Variants in CEP112 observed in about 807,000 individuals in gnomAD.
CEP112 encodes the protein centrosomal protein 112.
Under a neutral mutation model 153.0 loss-of-function variants are expected in CEP112, and 127 were observed. The observed-to-expected ratio is 0.83, with a 90% CI of 0.72 to 0.96. The LOEUF is 0.96. CEP112 is among the 40% of genes least tolerant of loss of function. CEP112 has a pLI of 0.00. For synonymous variants in CEP112, 358 were observed against 374.4 expected (o/e 0.96, Z 0.51); for missense variants, 1,089 against 1,101.2 (o/e 0.99, Z 0.16).
chr17:65,722,459 G>C (rs1598400375), intron 23 of CEP112, among the ~76,000 whole-genome samples: 1 of 152,134 alleles, frequency 6.6e-6, no homozygotes, highest in African/African-American at 2.4e-5. Flanking sequence ...ATGTTGGCCA[G>C]GTTGGTCTCG....
intron 4 of CEP112, among the ~76,000 whole-genome samples, chr17:66,173,369 C>T (rs1276544430): frequency 6.6e-6 from 1 of 152,128 alleles, no homozygotes; most frequent in Non-Finnish European, 1.5e-5. Context: ...ATATGAAATT[C>T]CCCAAATGTT....
In CEP112 at chr17:65,902,342, G is replaced by C. The variant is rs745751336; in HGVS notation, c.1981-8C>G. ...CAGCTTCAGCTCTACTATCTGATTGGACAATGAGGAGGACAGTTCATCAAC... is the reference window on the plus strand; with the variant it reads ...CAGCTTCAGCTCTACTATCTGATTGCACAATGAGGAGGACAGTTCATCAAC... On this transcript the variant is annotated splice_polypyrimidine_tract_variant and splice_region_variant and intron_variant, in intron 19 of 26. Transcript: ENST00000535342. The C allele has an allele frequency of 1.9e-6, 3 of 1,609,592 alleles. No individual in the cohort carries two copies. Among genetic ancestry groups the C allele is most frequent in the Non-Finnish European group, 2.5e-6 (3 of 1,177,948 alleles).
At chr17:66,037,883 T>C (rs767901288) in intron 12 of CEP112, among the ~76,000 whole-genome samples, 79 of 151,974 alleles carry the variant, frequency 5.2e-4, no homozygotes, top group Non-Finnish European at 2.6e-4. Flanking sequence ...AAGAATGTTA[T>C]GTATAATATA....
chr17:66,009,877 G>C (rs1457442626), intron 16 of CEP112, among the ~76,000 whole-genome samples: 2 of 152,140 alleles, frequency 1.3e-5, no homozygotes, highest in African/African-American at 4.8e-5. Context: ...TTATAATATA[G>C]TTTGAAGTCA....
At chr17:65,951,546 T>G (rs2061828350) in intron 18 of CEP112, among the ~76,000 whole-genome samples, 1 of 152,140 alleles carries the variant, frequency 6.6e-6, no homozygotes. Context: ...ATCCTTTCAT[T>G]TTCTAGAAAA....
chr17:66,125,396 A>G (rs1327404855), intron 6 of CEP112, among the ~76,000 whole-genome samples: 1 of 152,134 alleles, frequency 6.6e-6, no homozygotes, highest in Non-Finnish European at 1.5e-5. Flanking sequence ...GGTGTGCACC[A>G]CCAGCTACTC....
chr17:65,959,323 G>T (rs1340526767), intron 18 of CEP112, among the ~76,000 whole-genome samples: 1 of 152,212 alleles, frequency 6.6e-6, no homozygotes, highest in Non-Finnish European at 1.5e-5. Context: ...CCTGGCTGCA[G>T]AAAGGAGCTA....
intron 12 of CEP112, among the ~76,000 whole-genome samples, chr17:66,043,782 A>C (rs749721332): frequency 2.2e-4 from 34 of 152,198 alleles, no homozygotes; most frequent in Non-Finnish European, 4.0e-4. Context: ...CAAAATGCGT[A>C]AGTCTCATAA....
intron 23 of CEP112, among the ~76,000 whole-genome samples, chr17:65,716,521 G>A (rs2049526751): frequency 6.6e-6 from 1 of 152,152 alleles, no homozygotes. Flanking sequence ...GTAGAGCGGG[G>A]CAGGGGAGGG....
At chr17:66,130,118 T>C (rs2070066924) in intron 5 of CEP112, among the ~76,000 whole-genome samples, 1 of 152,022 alleles carries the variant, frequency 6.6e-6, no homozygotes, top group African/African-American at 2.4e-5. Flanking sequence ...TGTATTGCCC[T>C]CAGAGGAAAG....
chr17:66,050,831 T>C (rs1339486676), intron 12 of CEP112, among the ~76,000 whole-genome samples: 1 of 152,124 alleles, frequency 6.6e-6, no homozygotes. Flanking sequence ...GCTAGATCAA[T>C]TTCAACAAAT....
At chr17:66,153,468 CA>C (rs11303537) in intron 4 of CEP112, among the ~76,000 whole-genome samples, 75,099 of 123,592 alleles carry the variant, frequency 0.61, 21,216 homozygotes, top group East Asian at 0.89. Flanking sequence ...TAGAAAAGGC[CA>C]AAAAAAAAAA....
At chr17:65,941,646 T>C (rs895536970) in intron 18 of CEP112, 6 of 152,228 alleles carry the variant, frequency 3.9e-5, no homozygotes, top group African/African-American at 1.4e-4. Context: ...AACGTCTTTA[T>C]TGTGTAACTC....
chr17:65,817,653 CA>C (rs2056342231), intron 21 of CEP112, among the ~76,000 whole-genome samples: 1 of 151,866 alleles, frequency 6.6e-6, no homozygotes, highest in Admixed American at 6.6e-5. Flanking sequence ...CAGGGTACTT[CA>C]AAAATAAACC....
At chr17:65,957,597 T>C (rs1360155426) in intron 18 of CEP112, among the ~76,000 whole-genome samples, 1 of 152,150 alleles carries the variant, frequency 6.6e-6, no homozygotes, top group African/African-American at 2.4e-5. Flanking sequence ...TAGTTATTAG[T>C]TTTATAAATA....
chr17:65,929,653 T>C (rs1272646905), intron 18 of CEP112, among the ~76,000 whole-genome samples: 1 of 147,218 alleles, frequency 6.8e-6, no homozygotes, highest in African/African-American at 2.5e-5. Context: ...ATGTCTCTCC[T>C]GCAGTGTAAT....
chr17:65,661,757 G>C (rs2046396353), intron 24 of CEP112: 1 of 152,144 alleles, frequency 6.6e-6, no homozygotes, highest in Non-Finnish European at 1.5e-5. Flanking sequence ...GCTGGAGTTT[G>C]CATGAAGCAG....
intron 8 of CEP112, among the ~76,000 whole-genome samples, chr17:66,086,892 G>A (rs2067959803): frequency 6.6e-6 from 1 of 151,984 alleles, no homozygotes; most frequent in Admixed American, 6.6e-5. Flanking sequence ...AATCAGACAT[G>A]CTACTTTAAA....
chr17:65,856,946 A>G (rs1373473851), intron 20 of CEP112, among the ~76,000 whole-genome samples: 1 of 152,202 alleles, frequency 6.6e-6, no homozygotes. Flanking sequence ...CCCTTCCAGT[A>G]CAGGCATATC....
Sources: gnomAD v4.1 joint callset for allele counts (sites outside exome capture counted in the v4.1 genomes callset) on GRCh38, gnomAD v4.1.1 for gene constraint, MANE v1.5 for transcripts, NCBI Gene and HGNC (gene_info 2026-07-23, HGNC 2026-07-21) for gene names.